Variants in PDXDC1 observed in about 807,000 individuals in gnomAD.
PDXDC1 encodes the protein pyridoxal-dependent decarboxylase domain-containing protein 1.
Under a neutral mutation model 100.1 loss-of-function variants are expected in PDXDC1, and 42 were observed. The ratio of observed to expected loss-of-function variants is 0.42; its 90% CI spans 0.33 to 0.54. The LOEUF (loss-of-function observed/expected upper bound fraction) is 0.54, where lower values mean the gene tolerates loss of function less well. Ranked by LOEUF, PDXDC1 falls within the 20% of genes least tolerant of loss-of-function variation. PDXDC1 has a pLI of 0.10. For missense variants in PDXDC1, 636 were observed against 979.2 expected, an observed-to-expected ratio of 0.65 and a Z score of 4.68; for synonymous variants, 260 against 371.7, an observed-to-expected ratio of 0.70 and a Z score of 3.46.
chr16:15,097,406 C>G (rs776651396), intron 16 of PDXDC1, among the ~76,000 whole-genome samples: 1 of 142,240 alleles, frequency 7.0e-6, no homozygotes, highest in African/African-American at 2.6e-5. Flanking sequence ...AGGCGGATCA[C>G]GAGGTCAGGA....
chr16:14,983,932 G>A (rs1392064620), intron 1 of PDXDC1, among the ~76,000 whole-genome samples: 2 of 152,262 alleles, frequency 1.3e-5, no homozygotes, highest in Admixed American at 1.3e-4. Flanking sequence ...GGAGGCCAAG[G>A]AAGGAGGATC....
intron 16 of PDXDC1, chr16:15,084,690 A>C: frequency 6.2e-7 from 1 of 1,613,116 alleles, no homozygotes; most frequent in Non-Finnish European, 8.5e-7. Context: ...ACATGTGTCA[A>C]AATTTGCAGG....
chr16:15,143,177 A>C (rs1598295970), downstream of PDXDC1, among the ~76,000 whole-genome samples: 1 of 152,250 alleles, frequency 6.6e-6, no homozygotes, highest in South Asian at 2.1e-4. Flanking sequence ...AGGAGTTAGG[A>C]CCATCCTAGC....
chr16:15,032,669 A>AAAAAAAAAAAAAGT, intron 17 of PDXDC1, 192 bp from the exon 18 acceptor site: 3 of 448,486 alleles, frequency 6.7e-6, no homozygotes, highest in Non-Finnish European at 7.8e-6. Flanking sequence ...AAAAAAAAAA[A>AAAAAAAAAAAAAGT]GGCTTTCCTG....
intron 16 of PDXDC1, among the ~76,000 whole-genome samples, chr16:15,058,120 G>A (rs1273575145): frequency 6.6e-6 from 1 of 151,996 alleles, no homozygotes; most frequent in Admixed American, 6.6e-5. Flanking sequence ...GACGAGCCTG[G>A]ACAACACAGG....
At chr16:15,019,489 A>G (rs1269621397) in intron 12 of PDXDC1, among the ~76,000 whole-genome samples, 17 of 152,398 alleles carry the variant, frequency 1.1e-4, no homozygotes, top group African/African-American at 4.1e-4. Flanking sequence ...TAGAGCATTC[A>G]GGCTTCTATA....
rs567669425 is a variant in PDXDC1 at position 15,018,960 on chromosome 16, C to G, written c.1084C>G (p.Gln362Glu). Residue 362 changes from glutamine to glutamate, a missense_variant, in exon 12 of 23, where the codon CAA becomes GAA. Coordinates refer to ENST00000396410, the MANE Select transcript of PDXDC1 (RefSeq NM_015027.4). ...GFVERIKHACQLSQRLQESLK... is the reference protein window; with the variant it reads ...GFVERIKHACELSQRLQESLK... ...TGTGGAGAGGATCAAGCATGCCTGT[C>G]AACTGGTGAGTAGAAGCCTGACATT... 8.1e-6 allele frequency: 13 copies of G among 1,604,480 alleles called. No individual in the cohort carries two copies. The Admixed American group carries it at 2.1e-4, about 26-fold the overall frequency.
chr16:15,031,230 C>CTAT (rs1163973222), intron 16 of PDXDC1, among the ~76,000 whole-genome samples: 3 of 150,908 alleles, frequency 2.0e-5, no homozygotes, highest in African/African-American at 7.3e-5. Flanking sequence ...GCACTGGCCA[C>CTAT]TATAAGGATT....
chr16:14,975,013 C>G, upstream of PDXDC1: 1 of 1,534,546 alleles, frequency 6.5e-7, no homozygotes, highest in Non-Finnish European at 8.7e-7. Flanking sequence ...GCTACGGGGC[C>G]CCGCCCCGCC....
At position 14,978,021 on chromosome 16, in the gene PDXDC1, A is replaced by G. The variant is rs558415556; in HGVS notation, c.21+2801A>G. ...CACTCAGTGATTTGGATTTGGTCCA[A>G]ATATAGTTCTGTCCCTTGCTTTTTC... On this transcript the variant is annotated intron_variant, in intron 1 of 22. Coordinates refer to ENST00000396410, the MANE Select transcript of PDXDC1 (RefSeq NM_015027.4). Among the ~76,000 whole-genome samples, 26 of 152,144 alleles carry G rather than the reference A, an allele frequency of 1.7e-4. No homozygotes were observed. The Middle Eastern group carries it at 0.02, about 119-fold the overall frequency.
downstream of PDXDC1, among the ~76,000 whole-genome samples, chr16:15,041,939 A>G (rs565966917): frequency 6.6e-6 from 1 of 152,234 alleles, no homozygotes; most frequent in East Asian, 1.9e-4. Context: ...TTTTCTCTTC[A>G]TTCTGAGAGT....
At chr16:14,983,536 G>C (rs1434674968) in intron 1 of PDXDC1, among the ~76,000 whole-genome samples, 1 of 118,170 alleles carries the variant, frequency 8.5e-6, no homozygotes, top group Non-Finnish European at 1.6e-5. Flanking sequence ...TCATGCCACT[G>C]TACTCCAGCC....
chr16:14,995,439 A>C (rs1888060972), intron 1 of PDXDC1, among the ~76,000 whole-genome samples: 1 of 152,300 alleles, frequency 6.6e-6, no homozygotes, highest in Non-Finnish European at 1.5e-5. Flanking sequence ...ATGCTGGATT[A>C]CATTTATTGA....
At chr16:15,146,826 T>C in the PDXDC1 span, among the ~76,000 whole-genome samples, 2 of 151,760 alleles carry the variant, frequency 1.3e-5, no homozygotes, top group East Asian at 1.9e-4. Context: ...AAGGTATGAT[T>C]GTTGGGGCTG....
At chr16:15,062,152 AAAAAC>A (rs1162063589) in intron 16 of PDXDC1, among the ~76,000 whole-genome samples, 1 of 152,218 alleles carries the variant, frequency 6.6e-6, no homozygotes, top group Non-Finnish European at 1.5e-5. Flanking sequence ...ATGTCTCTAG[AAAAAC>A]AGAACAGAAC....
downstream of PDXDC1, among the ~76,000 whole-genome samples, chr16:15,041,301 G>C: frequency 6.6e-6 from 1 of 152,094 alleles, no homozygotes; most frequent in East Asian, 1.9e-4. Context: ...GGTTTATACT[G>C]AACAAACTGG....
At chr16:15,104,458 A>T in intron 16 of PDXDC1, 1 of 824,184 alleles carries the variant, frequency 1.2e-6, no homozygotes, top group Non-Finnish European at 1.7e-6. Flanking sequence ...GTGGAAGGGG[A>T]GTGAGCAGAC....
chr16:14,989,895 A>G, intron 1 of PDXDC1: 1 of 1,544,224 alleles, frequency 6.5e-7, no homozygotes. Flanking sequence ...CAGGGCCGGC[A>G]CTCCAGGGCC....
intron 16 of PDXDC1, among the ~76,000 whole-genome samples, chr16:15,068,791 G>A: frequency 6.6e-6 from 1 of 152,180 alleles, no homozygotes; most frequent in African/African-American, 2.4e-5. Context: ...AATTTAGACA[G>A]AAACCACTTT....
Sources: allele counts gnomAD v4.1 joint callset (sites outside exome capture counted in the v4.1 genomes callset), GRCh38; gene constraint gnomAD v4.1.1; transcripts MANE v1.5; gene names NCBI Gene and HGNC (gene_info 2026-07-23, HGNC 2026-07-21).